SMAD4: variants seen among roughly 807,000 people sequenced by gnomAD.
SMAD4 encodes MAD homolog 4.
Under a neutral mutation model 63.2 loss-of-function variants are expected in SMAD4, and 7 were observed. The ratio of observed to expected loss-of-function variants is 0.11; its 90% CI spans 0.06 to 0.21. The LOEUF is 0.21. Ranked by LOEUF, SMAD4 falls within the 10% of genes least tolerant of loss-of-function variation. SMAD4 has a pLI of 1.00. For synonymous variants in SMAD4, 215 were observed against 235.4 expected (o/e 0.91, Z 0.79); for missense variants, 312 against 693.8 (o/e 0.45, Z 6.18).
intron 10 of SMAD4, among the ~76,000 whole-genome samples, chr18:51,076,212 T>A (rs1417657410): frequency 6.6e-6 from 1 of 152,122 alleles, no homozygotes; most frequent in Non-Finnish European, 1.5e-5. Flanking sequence ...TTTGTTAAAC[T>A]CCTCCAAATA....
Position 51,079,518 on chromosome 18 carries a change from CT to C in SMAD4, c.*1058del, listed in dbSNP as rs541221575. ...TATTTTTGTACTTGATTTGATGTGA[CT>C]TTTTTTGGTATAATGTTTAAATCAT... On this transcript the variant is annotated 3_prime_UTR_variant, in exon 12 of 12. Coordinates refer to ENST00000342988, the MANE Select transcript of SMAD4 (RefSeq NM_005359.6). The C allele has an allele frequency of 8.6e-6, 2 of 233,092 alleles. No homozygotes were observed. Among genetic ancestry groups the C allele is most frequent in the Non-Finnish European group, 1.7e-5 (2 of 117,880 alleles). The allele number at this position is 233,092 out of a possible 1,614,324, so 14.4% of individuals were successfully genotyped here.
At chr18:51,056,868 A>G (rs936824547) in intron 5 of SMAD4, among the ~76,000 whole-genome samples, 16 of 152,156 alleles carry the variant, frequency 1.1e-4, no homozygotes, top group African/African-American at 3.9e-4. Context: ...TTCCTTTTAA[A>G]TACCTGTAAA....
Position 51,035,087 on chromosome 18 carries a change from C to T in SMAD4, c.-128+4464C>T, listed in dbSNP as rs73960360. Among the ~76,000 whole-genome samples, 626 of 152,336 alleles carry T rather than the reference C, an allele frequency of 4.1e-3. 6 individuals carry two copies. The highest frequency in any genetic ancestry group is 0.014 in the African/African-American group (585 of 41,570). On this transcript the variant is annotated intron_variant, in intron 1 of 11. Coordinates refer to ENST00000342988, the MANE Select transcript of SMAD4 (RefSeq NM_005359.6). The stretch of plus-strand genomic sequence containing the variant: ...TGTACAGTGTAGCCATCTCACACAT[C>T]TAACTTAACGGGTCTTTTGAAAGTA...
Position 51,040,197 on chromosome 18 carries a change from C to T in SMAD4, c.-127-6723C>T, listed in dbSNP as rs577995555. ...AATCCAGCACTTTGGGAGGCCAAGGCGGGCAGATCATGAGGTCAGGAGATC... is the reference window on the plus strand; with the variant it reads ...AATCCAGCACTTTGGGAGGCCAAGGTGGGCAGATCATGAGGTCAGGAGATC... On this transcript the variant is annotated intron_variant, in intron 1 of 11. Transcript: ENST00000342988. Among the ~76,000 whole-genome samples, 71 of 152,148 alleles carry T rather than the reference C, an allele frequency of 4.7e-4. 1 individual carries two copies. Among genetic ancestry groups the T allele is most frequent in the African/African-American group, 1.6e-3 (66 of 41,518 alleles).
intron 5 of SMAD4, 134 bp from the exon 6 acceptor site, chr18:51,057,991 C>A: frequency 9.9e-7 from 1 of 1,005,690 alleles, no homozygotes; most frequent in Non-Finnish European, 1.5e-6. Flanking sequence ...ACCTGATAGG[C>A]CATGGGTGAG....
At chr18:51,054,434 C>T (rs372052745) in intron 4 of SMAD4, 6 of 277,096 alleles carry the variant, frequency 2.2e-5, no homozygotes, top group East Asian at 1.8e-4. Flanking sequence ...TCCAGCCATT[C>T]GGTTTTTGCC....
At chr18:51,075,619 C>T (rs1403979366) in intron 10 of SMAD4, among the ~76,000 whole-genome samples, 3 of 151,144 alleles carry the variant, frequency 2.0e-5, no homozygotes, top group African/African-American at 7.3e-5. Flanking sequence ...TTTTTTTTCC[C>T]CAGAAAAAAA....
chr18:51,042,219 ACT>A (rs1433344313), intron 1 of SMAD4, among the ~76,000 whole-genome samples: 1 of 151,380 alleles, frequency 6.6e-6, no homozygotes, highest in African/African-American at 2.4e-5. Flanking sequence ...CCAGAACCTA[ACT>A]CTATAATATA....
chr18:51,082,605 G>T lies in SMAD4; in HGVS notation c.*4138G>T, dbSNP rs1910636685. On this transcript the variant is annotated 3_prime_UTR_variant, in exon 12 of 12. Transcript: ENST00000342988. ...GAGTTATTTAATATGTATATCAGAGGATATACTAGATGGTAACATTTCTTT... is the reference window on the plus strand; with the variant it reads ...GAGTTATTTAATATGTATATCAGAGTATATACTAGATGGTAACATTTCTTT... The T allele has an allele frequency of 1.3e-5, 3 of 229,980 alleles. No individual in the cohort carries two copies. The highest frequency in any genetic ancestry group is 1.8e-4 in the South Asian group (1 of 5,486). The allele number at this position is 229,980 out of a possible 1,614,324, so 14.2% of individuals were successfully genotyped here.
At chr18:51,031,092 C>A (rs772254590) in intron 1 of SMAD4, among the ~76,000 whole-genome samples, 5 of 152,194 alleles carry the variant, frequency 3.3e-5, no homozygotes, top group African/African-American at 4.8e-5. Context: ...TGCCAGTTTA[C>A]GCTTCTGGCT....
chr18:51,064,289 A>G (rs935329547), intron 8 of SMAD4, among the ~76,000 whole-genome samples: 2 of 152,210 alleles, frequency 1.3e-5, no homozygotes, highest in African/African-American at 4.8e-5. Flanking sequence ...AAGGTTATTC[A>G]GGTCCCATCT....
At chr18:51,035,680 C>T (rs545759651) in intron 1 of SMAD4, among the ~76,000 whole-genome samples, 2 of 152,292 alleles carry the variant, frequency 1.3e-5, no homozygotes, top group East Asian at 3.9e-4. Flanking sequence ...TTAATTAATA[C>T]ACTGTGAGAC....
At position 51,055,004 on chromosome 18, in the gene SMAD4, G is replaced by A. The variant is rs760785405; in HGVS notation, c.667+11G>A. The stretch of plus-strand genomic sequence containing the variant: ...CTGTGGCTTCCACAAGTGAGTTCTA[G>A]AATCAGATGTAGTCAGCAAGTTGAG... On this transcript the variant is annotated intron_variant, in intron 5 of 11. Transcript: ENST00000342988. The A allele has an allele frequency of 6.3e-7, 1 of 1,597,760 alleles. No homozygotes were observed. Among genetic ancestry groups the A allele is most frequent in the Non-Finnish European group, 8.6e-7 (1 of 1,165,928 alleles).
Position 51,084,065 on chromosome 18 carries a change from G to C in SMAD4, c.*5598G>C, listed in dbSNP as rs868217363. The C allele has an allele frequency of 4.4e-6, 1 of 228,826 alleles. No homozygotes were observed. Among genetic ancestry groups the C allele is most frequent in the Non-Finnish European group, 8.6e-6 (1 of 116,132 alleles). The allele number at this position is 228,826 out of a possible 1,614,324, so 14.2% of individuals were successfully genotyped here. ...ACACAGGTCAGAGTTTAAGGCTTTC[G>C]AGTCATGACATTCTAGCTTTTGAAT... On this transcript the variant is annotated 3_prime_UTR_variant, in exon 12 of 12. Transcript: ENST00000342988.
Position 51,054,477 on chromosome 18 carries a change from G to A in SMAD4, c.455-304G>A, listed in dbSNP as rs1043613268. The A allele has an allele frequency of 8.2e-6, 3 of 365,598 alleles. No individual in the cohort carries two copies. In the Admixed American group the frequency reaches 1.3e-4, roughly 16 times the overall value. The allele number at this position is 365,598 out of a possible 1,614,324, so 22.6% of individuals were successfully genotyped here. On this transcript the variant is annotated intron_variant, in intron 4 of 11. Transcript: ENST00000342988. ...TGTATTTAGGTGATTATTCTTCTAG[G>A]TTTATCAAGAAACTGAGGAGTACCT...
chr18:51,056,567 C>T (rs1363349401), intron 5 of SMAD4, among the ~76,000 whole-genome samples: 3 of 132,112 alleles, frequency 2.3e-5, no homozygotes, highest in African/African-American at 8.7e-5. Context: ...TTGCAGTGAG[C>T]AGAGAGCGAG....
chr18:51,070,290 A>T (rs1055201931), intron 10 of SMAD4, among the ~76,000 whole-genome samples: 1 of 151,564 alleles, frequency 6.6e-6, no homozygotes, highest in Non-Finnish European at 1.5e-5. Flanking sequence ...ATTGTGACTT[A>T]TTTATATTTT....
intron 4 of SMAD4, among the ~76,000 whole-genome samples, chr18:51,051,594 G>A (rs1039774499): frequency 6.6e-6 from 1 of 152,104 alleles, no homozygotes; most frequent in Non-Finnish European, 1.5e-5. Flanking sequence ...TAGGTTCCAG[G>A]GATGCTTAGA....
intron 8 of SMAD4, among the ~76,000 whole-genome samples, chr18:51,061,005 C>T (rs1172398023): frequency 6.6e-6 from 1 of 151,820 alleles, no homozygotes; most frequent in Non-Finnish European, 1.5e-5. Context: ...TCCCAAAGTG[C>T]TGGGATTATA....
Sources: gnomAD v4.1 joint callset for allele counts (sites outside exome capture counted in the v4.1 genomes callset) on GRCh38, gnomAD v4.1.1 for gene constraint, MANE v1.5 for transcripts, NCBI Gene and HGNC (gene_info 2026-07-23, HGNC 2026-07-21) for gene names.